The following ZDHHC3 variants were observed in gnomAD, a reference collection of about 807,000 sequenced individuals.
ZDHHC3 encodes zDHHC palmitoyltransferase 3, also known as palmitoyltransferase ZDHHC3.
Under a neutral mutation model 30.6 loss-of-function variants are expected in ZDHHC3, and 9 were observed. That is an observed-to-expected ratio of 0.29 (90% CI 0.18 to 0.51). The LOEUF is 0.51. Ranked by LOEUF, ZDHHC3 falls within the 20% of genes least tolerant of loss-of-function variation. The pLI, the probability that ZDHHC3 is intolerant of heterozygous loss-of-function variation, is 0.97. For missense variants in ZDHHC3, 246 were observed against 384.2 expected (o/e 0.64, Z 3.01); for synonymous variants, 136 against 140.2 (o/e 0.97, Z 0.21).
intron 6 of ZDHHC3, 58 bp downstream of exon 6, chr3:44,929,248 G>T: frequency 6.3e-7 from 1 of 1,595,242 alleles, no homozygotes; most frequent in South Asian, 1.1e-5. Flanking sequence ...CAGCAACACT[G>T]ACCCTGGGTC....
intron 3 of ZDHHC3, chr3:44,937,862 G>A (rs1055594896): frequency 2.1e-6 from 1 of 469,402 alleles, no homozygotes; most frequent in Non-Finnish European, 4.2e-6. Context: ...CAGTGAAAGT[G>A]ACTATTCAGA....
chr3:44,933,298 CT>C, intron 4 of ZDHHC3, 99 bp from the exon 5 acceptor site: 1 of 1,117,518 alleles, frequency 8.9e-7, no homozygotes, highest in Non-Finnish European at 1.3e-6. Flanking sequence ...CTCAGGAACA[CT>C]TAGTCAGGAC....
rs1424754172 is a variant in ZDHHC3 at position 44,922,327 on chromosome 3, G to A, written c.*4362C>T. On this transcript the variant is annotated 3_prime_UTR_variant, in exon 7 of 7. Transcript: ENST00000424952. Reference sequence around the variant, plus strand: ...CGCCGCTCCCATCTGGAGGTCCCTTGGTTCTACTCTTTTCTCTTTCCCTTC... The same window carrying A: ...CGCCGCTCCCATCTGGAGGTCCCTTAGTTCTACTCTTTTCTCTTTCCCTTC... 1 of 985,244 alleles carries A rather than the reference G, an allele frequency of 1.0e-6. No individual in the cohort carries two copies. Among genetic ancestry groups the A allele is most frequent in the Admixed American group, 6.1e-5 (1 of 16,262 alleles). The allele number at this position is 985,244 out of a possible 1,614,324, so 61.0% of individuals were successfully genotyped here. A position where few individuals can be genotyped will look rare whatever the true frequency, so the allele number is the denominator to read the frequency against.
intron 1 of ZDHHC3, among the ~76,000 whole-genome samples, chr3:44,961,850 T>C (rs992399498): frequency 1.3e-5 from 2 of 152,260 alleles, no homozygotes; most frequent in African/African-American, 2.4e-5. Context: ...ACCACAGCCA[T>C]GTCATTTGAT....
chr3:44,917,763 G>T lies in ZDHHC3; in HGVS notation c.*8926C>A. The T allele has an allele frequency of 1.8e-6, 2 of 1,122,366 alleles. No individual in the cohort carries two copies. The highest frequency in any genetic ancestry group is 2.3e-6 in the Non-Finnish European group (2 of 864,936). 69.5% of individuals were successfully genotyped at this position (1,122,366 alleles called of 1,614,324 possible). The stretch of plus-strand genomic sequence containing the variant: ...AGAGAAGAAGGAGGGGAAATGGCAA[G>T]GCCAAGCGAGTGGCTAAGGGAAGCA... On this transcript the variant is annotated 3_prime_UTR_variant, in exon 7 of 7. Transcript: ENST00000424952.
chr3:44,971,301 G>A (rs1273108548), intron 1 of ZDHHC3, among the ~76,000 whole-genome samples: 1 of 152,222 alleles, frequency 6.6e-6, no homozygotes, highest in Non-Finnish European at 1.5e-5. Context: ...CTATGGTTTG[G>A]AGGAGACTAT....
At chr3:44,937,657 A>G (rs552978814) in intron 3 of ZDHHC3, 1 of 149,614 alleles carries the variant, frequency 6.7e-6, no homozygotes, top group Admixed American at 6.9e-5. Context: ...TTCATCCAAC[A>G]CCAGCTGCCT....
At chr3:44,934,980 G>A (rs2125832299) in intron 3 of ZDHHC3, among the ~76,000 whole-genome samples, 1 of 151,912 alleles carries the variant, frequency 6.6e-6, no homozygotes, top group South Asian at 2.1e-4. Context: ...ACATTATTGG[G>A]ATAATTTTTG....
chr3:44,925,903 C>T lies in ZDHHC3; in HGVS notation c.*786G>A, dbSNP rs1284656489. The T allele has an allele frequency of 1.0e-6, 1 of 985,740 alleles. No individual in the cohort carries two copies. Among genetic ancestry groups the T allele is most frequent in the Admixed American group, 6.1e-5 (1 of 16,268 alleles). The allele number at this position is 985,740 out of a possible 1,614,324, so 61.1% of individuals were successfully genotyped here. A position where few individuals can be genotyped will look rare whatever the true frequency, so the allele number is the denominator to read the frequency against. On this transcript the variant is annotated 3_prime_UTR_variant, in exon 7 of 7. Coordinates refer to ENST00000424952, the MANE Select transcript of ZDHHC3 (RefSeq NM_001135179.2). ...GCAGATGAAACAAAGGAAAACGTAGCTTGCCTGAAATTGTGTAATTTTTTT... is the reference window on the plus strand; with the variant it reads ...GCAGATGAAACAAAGGAAAACGTAGTTTGCCTGAAATTGTGTAATTTTTTT...
Position 44,924,415 on chromosome 3 carries a change from TGA to T in ZDHHC3, c.*2272_*2273del. 1.0e-6 allele frequency: 1 copy of T among 985,472 alleles called. No homozygotes were observed. Among genetic ancestry groups the T allele is most frequent in the Non-Finnish European group, 1.2e-6 (1 of 829,938 alleles). The allele number at this position is 985,472 out of a possible 1,614,324, so 61.0% of individuals were successfully genotyped here. Reference sequence around the variant, plus strand: ...TCCTATCTTCTGAGAGCAACTGGTTTGAGAGCTCAGAAACATTGACTCTTTCT... The same window carrying T: ...TCCTATCTTCTGAGAGCAACTGGTTTGAGCTCAGAAACATTGACTCTTTCT... On this transcript the variant is annotated 3_prime_UTR_variant, in exon 7 of 7. Transcript: ENST00000424952.
At position 44,923,856 on chromosome 3, in the gene ZDHHC3, G is replaced by A. The variant is rs1439652761; in HGVS notation, c.*2833C>T. ...GAAGACAAAATGGTGGGACTAAAAG[G>A]AGATTTAGCACATGCACTTCTACCC... On this transcript the variant is annotated 3_prime_UTR_variant, in exon 7 of 7. Transcript: ENST00000424952. 13 of 985,306 alleles carry A rather than the reference G, an allele frequency of 1.3e-5. No homozygotes were observed. Among genetic ancestry groups the A allele is most frequent in the Non-Finnish European group, 1.6e-5 (13 of 829,938 alleles). 61.0% of individuals were successfully genotyped at this position (985,306 alleles called of 1,614,324 possible). A position where few individuals can be genotyped will look rare whatever the true frequency, so the allele number is the denominator to read the frequency against.
chr3:44,957,404 C>G (rs1704047429), intron 2 of ZDHHC3, among the ~76,000 whole-genome samples: 1 of 152,198 alleles, frequency 6.6e-6, no homozygotes, highest in African/African-American at 2.4e-5. Flanking sequence ...ATTCCCACAC[C>G]AGTGCCACTC....
chr3:44,934,441 C>T (rs75924428), intron 3 of ZDHHC3, among the ~76,000 whole-genome samples: 1 of 37,908 alleles, frequency 2.6e-5, no homozygotes, highest in South Asian at 2.9e-3. Context: ...GAGGTGCTAC[C>T]AGGGAGGGCC....
chr3:44,917,847 A>T lies in ZDHHC3; in HGVS notation c.*8842T>A. 7.8e-7 allele frequency: 1 copy of T among 1,285,136 alleles called. No individual in the cohort carries two copies. The highest frequency in any genetic ancestry group is 1.0e-6 in the Non-Finnish European group (1 of 983,334). 79.6% of individuals were successfully genotyped at this position (1,285,136 alleles called of 1,614,324 possible). ...CCCCTTTAGCCAAAACCCCAGGATG[A>T]AGGTTGACAGCACTTTTTAGTGTTT... On this transcript the variant is annotated 3_prime_UTR_variant, in exon 7 of 7. Transcript: ENST00000424952.
rs983001886 is a variant in ZDHHC3, at chr3:44,922,736, C to T, written c.*3953G>A. 4.2e-5 allele frequency: 41 copies of T among 984,800 alleles called. No individual in the cohort carries two copies. The East Asian group carries it at 1.8e-3, about 44-fold the overall frequency. 61.0% of individuals were successfully genotyped at this position (984,800 alleles called of 1,614,324 possible). ...AAGACACGGGCTGCTGGGCCCCGCT[C>T]GGTTTCTGGTTCGGTAGCCTGGGGT... is the stretch of plus-strand genomic sequence containing the variant. On this transcript the variant is annotated 3_prime_UTR_variant, in exon 7 of 7. Transcript: ENST00000424952.
intron 2 of ZDHHC3, among the ~76,000 whole-genome samples, chr3:44,945,963 CA>C (rs1702895154): frequency 1.3e-5 from 2 of 152,210 alleles, no homozygotes; most frequent in Admixed American, 6.5e-5. Context: ...TCCTATATAA[CA>C]GCAAGGATTT....
rs1049127342 is a variant in ZDHHC3 at position 44,920,806 on chromosome 3, C to G, written c.*5883G>C. 3.0e-6 allele frequency: 3 copies of G among 985,390 alleles called. No homozygotes were observed. The highest frequency in any genetic ancestry group is 3.6e-6 in the Non-Finnish European group (3 of 829,920). 61.0% of individuals were successfully genotyped at this position (985,390 alleles called of 1,614,324 possible). A position where few individuals can be genotyped will look rare whatever the true frequency, so the allele number is the denominator to read the frequency against. On this transcript the variant is annotated 3_prime_UTR_variant, in exon 7 of 7. Coordinates refer to ENST00000424952, the MANE Select transcript of ZDHHC3 (RefSeq NM_001135179.2). The stretch of plus-strand genomic sequence containing the variant: ...CTCCTCACCAACCTCATAAAGTATT[C>G]CAGACAGAGCCTGGCCTGTCTACCA...
chr3:44,967,012 G>GTT (rs1366027883), intron 1 of ZDHHC3, among the ~76,000 whole-genome samples: 5 of 151,976 alleles, frequency 3.3e-5, no homozygotes, highest in East Asian at 1.9e-4. Flanking sequence ...AGTCTACACT[G>GTT]TTTCTCTCTC....
At chr3:44,936,289 A>G (rs1447596697) in intron 3 of ZDHHC3, among the ~76,000 whole-genome samples, 1 of 152,238 alleles carries the variant, frequency 6.6e-6, no homozygotes, top group Non-Finnish European at 1.5e-5. Flanking sequence ...AGAAGTGCAA[A>G]TCAAAACCAC....
Sources: allele counts gnomAD v4.1 joint callset (sites outside exome capture counted in the v4.1 genomes callset), GRCh38; gene constraint gnomAD v4.1.1; transcripts MANE v1.5; gene names NCBI Gene and HGNC (gene_info 2026-07-23, HGNC 2026-07-21).